OTUD7A: variants seen among roughly 807,000 people sequenced by gnomAD.
OTUD7A encodes OTU deubiquitinase 7A.
OTUD7A carries 12 observed loss-of-function variants against 65.7 expected under a neutral mutation model. The observed-to-expected ratio is 0.18, with a 90% confidence interval of 0.12 to 0.30. The LOEUF is 0.30. Ranked by LOEUF, OTUD7A falls within the 10% of genes least tolerant of loss-of-function variation. OTUD7A has a pLI of 1.00. For synonymous variants in OTUD7A, 641 were observed against 586.3 expected, an observed-to-expected ratio of 1.09 and a Z score of -1.35; for missense variants, 1,148 against 1,304.8, an observed-to-expected ratio of 0.88 and a Z score of 1.85.
chr15:31,597,204 A>T (rs1566936761), intron 3 of OTUD7A, among the ~76,000 whole-genome samples: 1 of 152,184 alleles, frequency 6.6e-6, no homozygotes, highest in African/African-American at 2.4e-5. Flanking sequence ...CTGGGATTAT[A>T]GGTGTGAGCC....
intron 1 of OTUD7A, among the ~76,000 whole-genome samples, chr15:31,690,702 T>C (rs1892941564): frequency 6.6e-6 from 1 of 152,208 alleles, no homozygotes; most frequent in Non-Finnish European, 1.5e-5. Context: ...TTCCAATAAA[T>C]GGTGCTGGGA....
chr15:31,731,974 G>C (rs992779780), intron 1 of OTUD7A, among the ~76,000 whole-genome samples: 3 of 152,170 alleles, frequency 2.0e-5, no homozygotes, highest in Admixed American at 2.0e-4. Context: ...TTTTGAAACT[G>C]TCCTAGTGCT....
At chr15:31,608,072 C>A (rs1890287811) in intron 3 of OTUD7A, among the ~76,000 whole-genome samples, 3 of 151,976 alleles carry the variant, frequency 2.0e-5, no homozygotes, top group Non-Finnish European at 2.9e-5. Context: ...CATGGTGAAA[C>A]CCCGTCTCTA....
At position 31,792,787 on chromosome 15, in the gene OTUD7A, G is replaced by A. The variant is rs1423618272; in HGVS notation, c.-100+77720C>T. ...ATTGTGTGTTCACCTCTATGCCTCA[G>A]GGAACAGTGACTGGCCCCAGTGGGA... On this transcript the variant is annotated intron_variant, in intron 1 of 12. Transcript: ENST00000307050. Among the ~76,000 whole-genome samples the A allele has an allele frequency of 2.0e-5, 3 of 152,180 alleles. No homozygotes were observed. In the East Asian group the frequency reaches 5.8e-4, roughly 29 times the overall value.
intron 5 of OTUD7A, among the ~76,000 whole-genome samples, chr15:31,542,661 T>C (rs568255023): frequency 9.2e-5 from 14 of 151,812 alleles, no homozygotes; most frequent in Middle Eastern, 3.4e-3. Flanking sequence ...CTAAGAACAA[T>C]AAAATTAATG....
intron 1 of OTUD7A, among the ~76,000 whole-genome samples, chr15:31,861,357 C>T (rs978286054): frequency 6.6e-6 from 1 of 152,276 alleles, no homozygotes; most frequent in East Asian, 1.9e-4. Flanking sequence ...AACCACACAC[C>T]GATCTTCTAA....
chr15:31,484,013 CGG>C lies in OTUD7A; in HGVS notation c.2081_2082del (p.Ala694GlyfsTer190). The C allele has an allele frequency of 1.0e-6, 1 of 964,014 alleles. No individual in the cohort carries two copies. Among genetic ancestry groups the C allele is most frequent in the South Asian group, 4.8e-5 (1 of 20,890 alleles). The allele number at this position is 964,014 out of a possible 1,614,324, so 59.7% of individuals were successfully genotyped here. Reference sequence around the variant, plus strand: ...CGCGGCGGCCGCTTGGCCGTGGCGGCGGCGGCGGCGGCGGCAGCGGCGGCCGC... The same window carrying C: ...CGCGGCGGCCGCTTGGCCGTGGCGGCCGGCGGCGGCGGCAGCGGCGGCCGC... The part of the protein sequence containing the change: ...ATAAAAAAAA[A>X]AATAKRPPRR... On this transcript the variant is annotated frameshift_variant, in exon 13 of 13. Transcript: ENST00000307050. LOFTEE classifies it low-confidence loss of function (END_TRUNC). This position sits in a 1 kb window ranked among gnomAD's most constrained non-coding sequence, Gnocchi z 4.5.
chr15:31,550,167 A>C (rs1888274186), intron 5 of OTUD7A, among the ~76,000 whole-genome samples: 2 of 151,544 alleles, frequency 1.3e-5, no homozygotes, highest in African/African-American at 4.9e-5. Context: ...AACTAGCTGG[A>C]CCAGTCTGGA....
chr15:31,814,879 G>T (rs1051870715), intron 1 of OTUD7A, among the ~76,000 whole-genome samples: 1 of 152,050 alleles, frequency 6.6e-6, no homozygotes, highest in Non-Finnish European at 1.5e-5. Context: ...TTTTTGCATA[G>T]ATATGAATCT....
Position 31,655,163 on chromosome 15 carries a change from G to A in OTUD7A, c.84C>T (p.Asp28=), listed in dbSNP as rs759611327. ...ACCGAACAAAGTCTGACAGGACTGC[G>A]TCCATATCAAGAGTCATAGGATCAT... ...LLHDPMTLDM[D]AVLSDFVRST... is the part of the protein sequence containing the mutation. Residue 28 remains aspartate (D), a synonymous_variant, in exon 3 of 13, where the codon GAC becomes GAT. Transcript: ENST00000307050. The A allele has an allele frequency of 7.0e-5, 108 of 1,545,854 alleles. No individual in the cohort carries two copies. Among genetic ancestry groups the A allele is most frequent in the Admixed American group, 2.5e-4 (12 of 48,634 alleles).
chr15:31,625,096 T>C (rs1290220122), intron 3 of OTUD7A, among the ~76,000 whole-genome samples: 1 of 152,160 alleles, frequency 6.6e-6, no homozygotes, highest in East Asian at 1.9e-4. Flanking sequence ...AACTGATGCT[T>C]TACAAGGTTG....
intron 3 of OTUD7A, among the ~76,000 whole-genome samples, chr15:31,578,820 G>A (rs1421193219): frequency 1.3e-5 from 2 of 152,142 alleles, no homozygotes; most frequent in Non-Finnish European, 2.9e-5. Context: ...CAAAGCACTG[G>A]GATTACAGCC....
At chr15:31,516,694 T>G (rs1362123387) in intron 8 of OTUD7A, among the ~76,000 whole-genome samples, 1 of 152,182 alleles carries the variant, frequency 6.6e-6, no homozygotes, top group Non-Finnish European at 1.5e-5. Context: ...GGCTTTCCAC[T>G]TTCCCACCAC....
chr15:31,770,943 A>G (rs1010023371), intron 1 of OTUD7A, among the ~76,000 whole-genome samples: 1 of 152,196 alleles, frequency 6.6e-6, no homozygotes, highest in Non-Finnish European at 1.5e-5. Flanking sequence ...CACACAGCCT[A>G]TATCAGACTT....
chr15:31,866,848 C>A (rs74975412), intron 1 of OTUD7A, among the ~76,000 whole-genome samples: 2,466 of 152,210 alleles, frequency 0.016, 32 homozygotes, highest in Middle Eastern at 0.034. Flanking sequence ...TCCCATTTGC[C>A]CCCTTGAAAT....
At chr15:31,559,673 C>T (rs1452916935) in intron 4 of OTUD7A, among the ~76,000 whole-genome samples, 1 of 151,588 alleles carries the variant, frequency 6.6e-6, no homozygotes, top group African/African-American at 2.4e-5. Flanking sequence ...ACATATACTA[C>T]ACACATATAT....
intron 4 of OTUD7A, among the ~76,000 whole-genome samples, chr15:31,566,792 C>A (rs758843195): frequency 7.2e-5 from 11 of 152,134 alleles, no homozygotes; most frequent in Non-Finnish European, 1.0e-4. Context: ...CTCTCTTGCT[C>A]CAGCTCTGGC....
At position 31,711,070 on chromosome 15, in the gene OTUD7A, G is replaced by GAA. The variant is rs201058018; in HGVS notation, c.-99-53995_-99-53994dup. Among the ~76,000 whole-genome samples the GAA allele has an allele frequency of 8.4e-4, 111 of 132,608 alleles. No homozygotes were observed. In the East Asian group the frequency reaches 0.011, roughly 13 times the overall value. 87.0% of individuals were successfully genotyped at this position (132,608 alleles called of 152,430 possible). ...GCTGAATTGATTGTGGCCTGACTAG[G>GAA]AAAAAAAAAACAAAACCCTTTCTAT... On this transcript the variant is annotated intron_variant, in intron 1 of 12. Coordinates refer to ENST00000307050, the MANE Select transcript of OTUD7A (RefSeq NM_001382637.1).
At chr15:31,795,149 G>C (rs1006433077) in intron 1 of OTUD7A, among the ~76,000 whole-genome samples, 1 of 152,186 alleles carries the variant, frequency 6.6e-6, no homozygotes, top group African/African-American at 2.4e-5. Context: ...TCGAATCCTA[G>C]GATAAAAGGT....
Sources: allele counts gnomAD v4.1 joint callset (sites outside exome capture counted in the v4.1 genomes callset), GRCh38; gene constraint gnomAD v4.1.1; non-coding constraint Gnocchi (gnomAD v3.1); transcripts MANE v1.5; gene names NCBI Gene and HGNC (gene_info 2026-07-23, HGNC 2026-07-21).